Variants in ZFHX3 observed in about 807,000 individuals in gnomAD.
The protein encoded by ZFHX3 is zinc finger homeobox protein 3.
Under a neutral mutation model 279.1 loss-of-function variants are expected in ZFHX3, and 42 were observed. The observed-to-expected ratio is 0.15, with a 90% CI of 0.12 to 0.19. ZFHX3 has a LOEUF of 0.19. Ranked by LOEUF, ZFHX3 falls within the 10% of genes least tolerant of loss-of-function variation. ZFHX3 has a pLI of 1.00. For missense variants in ZFHX3, 4,981 were observed against 4,754.0 expected, an observed-to-expected ratio of 1.05 and a Z score of -1.40; for synonymous variants, 2,293 against 1,957.8, an observed-to-expected ratio of 1.17 and a Z score of -4.52.
chr16:73,313,227 G>T (rs760734005), intron 4 of ZFHX3, among the ~76,000 whole-genome samples: 4 of 152,120 alleles, frequency 2.6e-5, no homozygotes, highest in Non-Finnish European at 5.9e-5. Context: ...AGTTTCCTGA[G>T]GCCTCCTAAC....
chr16:73,415,828 G>A (rs149806618), intron 3 of ZFHX3, among the ~76,000 whole-genome samples: 1 of 152,134 alleles, frequency 6.6e-6, no homozygotes, highest in African/African-American at 2.4e-5. Flanking sequence ...ATTTTCAGAA[G>A]AGAAAATGGG....
rs577725718 is a variant in ZFHX3 at position 73,444,738 on chromosome 16, C to T, written c.-1291+11265G>A. Among the ~76,000 whole-genome samples the T allele has an allele frequency of 2.6e-5, 4 of 152,322 alleles. No homozygotes were observed. The East Asian group carries it at 5.8e-4, about 22-fold the overall frequency. On this transcript the variant is annotated intron_variant, in intron 3 of 17. Coordinates refer to the ZFHX3 transcript ENST00000641206. ...ATGCAACTGAGCAACACTCAAAGCT[C>T]TCAAGTGAAGTGCAGCACCTGTGCA...
intron 6 of ZFHX3, chr16:73,131,242 T>G (rs1966673508): frequency 3.2e-6 from 1 of 307,910 alleles, no homozygotes; most frequent in Non-Finnish European, 6.7e-6. Context: ...GCCTGTTATA[T>G]ATAATGAATG....
intron 2 of ZFHX3, among the ~76,000 whole-genome samples, chr16:73,533,513 C>T (rs2019843706): frequency 6.6e-6 from 1 of 151,700 alleles, no homozygotes; most frequent in Non-Finnish European, 1.5e-5. Flanking sequence ...GTAACCAGAT[C>T]CAGTTTCATG....
chr16:73,520,176 T>C (rs2019587947), intron 2 of ZFHX3, among the ~76,000 whole-genome samples: 1 of 152,180 alleles, frequency 6.6e-6, no homozygotes, highest in Non-Finnish European at 1.5e-5. Context: ...AAGTGTTGCT[T>C]CAAATCTCAC....
rs141460210 is a variant in ZFHX3, at chr16:73,556,822, G to A, written c.-1546-100564C>T. On this transcript the variant is annotated intron_variant, in intron 2 of 17. Transcript: ENST00000641206. ...TAAGAAGGCCTCAGTGAGGCCGGGC[G>A]CGGTGGCTCATGCCTGTAATCCCAG... Among the ~76,000 whole-genome samples the A allele has an allele frequency of 3.6e-3, 550 of 151,752 alleles. 3 individuals are homozygous for A. Among genetic ancestry groups the A allele is most frequent in the African/African-American group, 0.013 (518 of 41,368 alleles).
At chr16:73,634,768 G>A (rs2052513005) in intron 2 of ZFHX3, among the ~76,000 whole-genome samples, 1 of 151,962 alleles carries the variant, frequency 6.6e-6, no homozygotes, top group Admixed American at 6.6e-5. Context: ...GATAGCACTG[G>A]GTGACAAAGA....
At position 73,176,766 on chromosome 16, in the gene ZFHX3, GTCT is replaced by G. The variant is rs534819545; in HGVS notation, c.-1103-32938_-1103-32936del. ...AGACAAGAGCTAAGAGTGGAAAAAA[GTCT>G]TCTTCTTGATGTGCTGGTCCAGCCC... On this transcript the variant is annotated intron_variant, in intron 5 of 17. Transcript: ENST00000641206. 3.9e-3 allele frequency among the ~76,000 whole-genome samples: 597 copies of G among 152,100 alleles called. 3 individuals carry two copies. Among genetic ancestry groups the G allele is most frequent in the African/African-American group, 0.014 (582 of 41,498 alleles).
chr16:73,270,725 A>G (rs2014120255), intron 4 of ZFHX3, among the ~76,000 whole-genome samples: 1 of 152,196 alleles, frequency 6.6e-6, no homozygotes, highest in African/African-American at 2.4e-5. Context: ...AACCAGGGAA[A>G]GAGTTTAAAA....
At chr16:73,720,778 AT>A (rs371707209) in intron 1 of ZFHX3, among the ~76,000 whole-genome samples, 173 of 152,318 alleles carry the variant, frequency 1.1e-3, no homozygotes, top group African/African-American at 3.9e-3. Flanking sequence ...TCAACAAACG[AT>A]TACTGATAAT....
chr16:72,964,009 C>G (rs1249449315), intron 1 of ZFHX3, among the ~76,000 whole-genome samples: 1 of 152,222 alleles, frequency 6.6e-6, no homozygotes. Context: ...AAACTGTTGC[C>G]TCCAAGAATA....
At chr16:73,629,084 G>C (rs2052444189) in intron 2 of ZFHX3, among the ~76,000 whole-genome samples, 1 of 152,182 alleles carries the variant, frequency 6.6e-6, no homozygotes, top group African/African-American at 2.4e-5. Context: ...TGATCCCAAA[G>C]GATAGAGAGC....
chr16:73,311,250 C>A (rs1750612890), intron 4 of ZFHX3, among the ~76,000 whole-genome samples: 1 of 150,708 alleles, frequency 6.6e-6, no homozygotes. Context: ...CAAAAAAAAA[C>A]AAAAAACAAA....
At chr16:73,732,507 T>C (rs2053577339) in intron 1 of ZFHX3, among the ~76,000 whole-genome samples, 1 of 152,204 alleles carries the variant, frequency 6.6e-6, no homozygotes, top group Non-Finnish European at 1.5e-5. Context: ...TGTTTTAGGA[T>C]TTGTCCTGGA....
At chr16:73,532,912 C>T (rs542607979) in intron 2 of ZFHX3, among the ~76,000 whole-genome samples, 164 of 152,230 alleles carry the variant, frequency 1.1e-3, no homozygotes, top group African/African-American at 3.5e-3. Context: ...TCTCTCCTGC[C>T]ACCCTGTAAA....
At chr16:73,019,348 G>A (rs753740775) in intron 1 of ZFHX3, among the ~76,000 whole-genome samples, 18,044 of 149,688 alleles carry the variant, frequency 0.12, 1,353 homozygotes, top group Admixed American at 0.26. Context: ...CTGTGCGTGT[G>A]TGTGTGTGTG....
Position 72,787,542 on chromosome 16 carries a change from G to A in ZFHX3, c.10734C>T (p.Phe3578=), listed in dbSNP as rs752259921. 2.5e-5 allele frequency: 41 copies of A among 1,613,976 alleles called. 1 individual carries two copies. Among genetic ancestry groups the A allele is most frequent in the South Asian group, 1.1e-5 (1 of 91,084 alleles). The change falls in exon 10 of 10, where the codon TTC becomes TTT. Residue 3578 remains phenylalanine, a synonymous_variant. Coordinates refer to ENST00000268489, the MANE Select transcript of ZFHX3 (RefSeq NM_006885.4). Reference sequence around the variant, plus strand: ...AGGTAGATGCGGTGCTAGGATCGGGGAAGCAGGCAGAGTGAGGTAATAAAC... The same window carrying A: ...AGGTAGATGCGGTGCTAGGATCGGGAAAGCAGGCAGAGTGAGGTAATAAAC... ...HPSLLPHSAC[F]PDPSTASTSQ... is the part of the protein sequence containing the mutation.
chr16:72,813,047 A>C (rs140007128), intron 5 of ZFHX3, among the ~76,000 whole-genome samples: 1 of 152,342 alleles, frequency 6.6e-6, no homozygotes, highest in Non-Finnish European at 1.5e-5. Context: ...CAGGATAAGC[A>C]AGGCTCCTCC....
intron 3 of ZFHX3, among the ~76,000 whole-genome samples, chr16:73,366,005 G>A (rs1469108589): frequency 6.6e-6 from 1 of 152,178 alleles, no homozygotes; most frequent in African/African-American, 2.4e-5. Context: ...AATTGATGGT[G>A]GCAAGATGGG....
Sources: gnomAD v4.1 joint callset for allele counts (sites outside exome capture counted in the v4.1 genomes callset) on GRCh38, gnomAD v4.1.1 for gene constraint, MANE v1.5 for transcripts, NCBI Gene and HGNC (gene_info 2026-07-23, HGNC 2026-07-21) for gene names.